EVC: variants seen among roughly 807,000 people sequenced by gnomAD.
EVC encodes the protein evC complex member EVC.
A neutral mutation model predicts 118.9 loss-of-function variants in EVC; 116 were observed. The observed-to-expected ratio is 0.98, with a 90% confidence interval of 0.84 to 1.14. The LOEUF (loss-of-function observed/expected upper bound fraction) is 1.14. Ranked by LOEUF, EVC falls within the 50% of genes most tolerant of loss-of-function variation. The pLI is 0.00. For synonymous variants in EVC, 619 were observed against 534.7 expected, an observed-to-expected ratio of 1.16 and a Z score of -2.18; for missense variants, 1,401 against 1,246.4, an observed-to-expected ratio of 1.12 and a Z score of -1.87.
Position 5,755,219 on chromosome 4 carries a change from G to A in EVC, c.1465-1045G>A, listed in dbSNP as rs1450888595. Among the ~76,000 whole-genome samples, 1 of 152,136 alleles carries A rather than the reference G, an allele frequency of 6.6e-6. No individual in the cohort carries two copies. The highest frequency in any genetic ancestry group is 1.5e-5 in the Non-Finnish European group (1 of 68,020). On this transcript the variant is annotated intron_variant, in intron 10 of 20. Transcript: ENST00000264956. This position sits in a 1 kb window ranked among gnomAD's most constrained non-coding sequence, Gnocchi z 4.1. The stretch of plus-strand genomic sequence containing the variant: ...CTCCTCGTTATTTGGATATTTCTGG[G>A]CCCCTGTCCTTGATGTCACAGAGCC...
chr4:5,734,885 A>G (rs1423704067), intron 5 of EVC, among the ~76,000 whole-genome samples: 2 of 152,172 alleles, frequency 1.3e-5, no homozygotes, highest in Non-Finnish European at 2.9e-5. Context: ...TCAGTGAGCT[A>G]CACCTGGCCC....
intron 13 of EVC, among the ~76,000 whole-genome samples, chr4:5,794,307 T>TATATATTTA (rs1197571097): frequency 8.4e-6 from 1 of 119,246 alleles, no homozygotes; most frequent in African/African-American, 3.3e-5. Flanking sequence ...ATTTATATTT[T>TATATATTTA]TATATATTTA....
intron 5 of EVC, among the ~76,000 whole-genome samples, chr4:5,740,351 A>G (rs1728332485): frequency 6.6e-6 from 1 of 151,814 alleles, no homozygotes; most frequent in Non-Finnish European, 1.5e-5. Flanking sequence ...CATGCTTGTA[A>G]TCCCACCTAC....
At chr4:5,770,323 A>C (rs1473123092) in intron 11 of EVC, among the ~76,000 whole-genome samples, 2 of 152,164 alleles carry the variant, frequency 1.3e-5, no homozygotes, top group African/African-American at 4.8e-5. Context: ...TCCCTGCCGT[A>C]AATCACAGTG....
At chr4:5,792,754 A>C (rs17691258) in intron 12 of EVC, among the ~76,000 whole-genome samples, 4 of 152,094 alleles carry the variant, frequency 2.6e-5, no homozygotes, top group African/African-American at 7.2e-5. Flanking sequence ...CAGTATCCCA[A>C]ACCAGTAGAT....
At chr4:5,785,590 T>C (rs1736301204) in intron 12 of EVC, among the ~76,000 whole-genome samples, 3 of 152,188 alleles carry the variant, frequency 2.0e-5, no homozygotes, top group Admixed American at 2.0e-4. Context: ...TTCTAGTTCA[T>C]TCAGTCCTCT....
intron 2 of EVC, among the ~76,000 whole-genome samples, chr4:5,726,570 T>TTTC (rs1013087942): frequency 2.0e-5 from 3 of 148,584 alleles, no homozygotes; most frequent in South Asian, 2.1e-4. Context: ...TCTCTTTTCT[T>TTTC]TTTTTTTTTT....
chr4:5,765,084 G>C (rs1371337868), intron 11 of EVC, among the ~76,000 whole-genome samples: 1 of 116,314 alleles, frequency 8.6e-6, no homozygotes, highest in Non-Finnish European at 1.9e-5. Context: ...ATGCATCCCA[G>C]AGATTTTGGT....
chr4:5,826,657 C>T, the EVC span: 1 of 152,322 alleles, frequency 6.6e-6, no homozygotes, highest in Non-Finnish European at 1.5e-5. Flanking sequence ...GCACCTGCTC[C>T]AGGCACTGGA....
At chr4:5,780,969 G>A (rs1024156346) in intron 11 of EVC, among the ~76,000 whole-genome samples, 1 of 152,324 alleles carries the variant, frequency 6.6e-6, no homozygotes, top group Middle Eastern at 3.4e-3. Context: ...GTGGCAGCAT[G>A]TGTGAAATGT....
chr4:5,778,579 C>T (rs1449055134), intron 11 of EVC, among the ~76,000 whole-genome samples: 2 of 152,194 alleles, frequency 1.3e-5, no homozygotes, highest in Non-Finnish European at 2.9e-5. Context: ...TTGCATTTCT[C>T]TGATGGCCAT....
At chr4:5,799,119 G>A (rs757566727) in intron 15 of EVC, among the ~76,000 whole-genome samples, 45 of 152,198 alleles carry the variant, frequency 3.0e-4, no homozygotes, top group Middle Eastern at 3.4e-3. Context: ...TGGCAGAACC[G>A]GGATCGGAAC....
chr4:5,761,508 G>GGGGGT (rs1732005436), intron 11 of EVC, among the ~76,000 whole-genome samples: 1 of 143,764 alleles, frequency 7.0e-6, no homozygotes, highest in Non-Finnish European at 1.5e-5. Flanking sequence ...GGGGCGGGGG[G>GGGGGT]TGGTTGGGGG....
chr4:5,783,779 G>A lies in EVC; in HGVS notation c.1776+15G>A, dbSNP rs905426293. ...AAGACCAGCAGGTGCGGGCATTTGG[G>A]AACCCAGGGGCTGGGGTCTGCATTT... On this transcript the variant is annotated intron_variant, in intron 12 of 20. Coordinates refer to ENST00000264956, the MANE Select transcript of EVC (RefSeq NM_153717.3). The A allele has an allele frequency of 2.5e-6, 4 of 1,595,400 alleles. No homozygotes were observed. Among genetic ancestry groups the A allele is most frequent in the Non-Finnish European group, 3.4e-6 (4 of 1,170,456 alleles).
At chr4:5,801,115 C>T (rs976296470) in intron 15 of EVC, among the ~76,000 whole-genome samples, 1 of 152,198 alleles carries the variant, frequency 6.6e-6, no homozygotes, top group Admixed American at 6.5e-5. Flanking sequence ...CATGTAGAAA[C>T]GCATGTAGCT....
the EVC span, chr4:5,825,709 C>G: frequency 6.3e-7 from 1 of 1,582,378 alleles, no homozygotes; most frequent in East Asian, 2.3e-5. This position sits in a 1 kb window ranked among gnomAD's most constrained non-coding sequence, Gnocchi z 4.4. Flanking sequence ...GCATGTGTGC[C>G]CTTCTGGGCA....
chr4:5,730,221 AG>A (rs1257874283), intron 3 of EVC, among the ~76,000 whole-genome samples: 1 of 152,166 alleles, frequency 6.6e-6, no homozygotes, highest in African/African-American at 2.4e-5. Flanking sequence ...AACATACATG[AG>A]GGCTCAGAAC....
At position 5,772,071 on chromosome 4, in the gene EVC, T is replaced by G. The variant is rs529547557; in HGVS notation, c.1564-11481T>G. ...GCCACCACGCCCAGCTAATTTTTTGTATTTTTAGTAGAGACAAGGTTTCAC... is the reference window on the plus strand; with the variant it reads ...GCCACCACGCCCAGCTAATTTTTTGGATTTTTAGTAGAGACAAGGTTTCAC... On this transcript the variant is annotated intron_variant, in intron 11 of 20. Transcript: ENST00000264956. Among the ~76,000 whole-genome samples the G allele has an allele frequency of 7.2e-4, 109 of 152,128 alleles. 1 individual carries two copies. Among genetic ancestry groups the G allele is most frequent in the Middle Eastern group, 3.4e-3 (1 of 294 alleles).
chr4:5,748,974 G>T (rs1198405825), intron 8 of EVC, among the ~76,000 whole-genome samples: 2 of 151,918 alleles, frequency 1.3e-5, no homozygotes, highest in East Asian at 3.9e-4. Flanking sequence ...TCAGATTGGG[G>T]TGCAACCTGG....
Sources: gnomAD v4.1 joint callset for allele counts (sites outside exome capture counted in the v4.1 genomes callset) on GRCh38, gnomAD v4.1.1 for gene constraint, Gnocchi (gnomAD v3.1) non-coding constraint, MANE v1.5 for transcripts, NCBI Gene and HGNC (gene_info 2026-07-23, HGNC 2026-07-21) for gene names.